The following SLC14A2 variants were observed in gnomAD, a reference collection of about 807,000 sequenced individuals.
SLC14A2 encodes urea transporter 2.
Under a neutral mutation model 104.6 loss-of-function variants are expected in SLC14A2, and 91 were observed. The ratio of observed to expected loss-of-function variants is 0.87; its 90% CI spans 0.73 to 1.04. The LOEUF (loss-of-function observed/expected upper bound fraction) is 1.04, where lower values mean the gene tolerates loss of function less well. SLC14A2 is among the 50% of genes least tolerant of loss of function. The pLI is 0.00. For synonymous variants in SLC14A2, 476 were observed against 466.4 expected, an observed-to-expected ratio of 1.02 and a Z score of -0.27; for missense variants, 1,189 against 1,156.0, an observed-to-expected ratio of 1.03 and a Z score of -0.41.
At chr18:45,506,882 G>A (rs1467134646) in intron 2 of SLC14A2, among the ~76,000 whole-genome samples, 3 of 152,212 alleles carry the variant, frequency 2.0e-5, no homozygotes, top group African/African-American at 7.2e-5. Flanking sequence ...AGGGGAACTG[G>A]AATCTGCCCA....
chr18:45,342,097 G>A (rs1447874168), intron 1 of SLC14A2, among the ~76,000 whole-genome samples: 2 of 152,154 alleles, frequency 1.3e-5, no homozygotes, highest in African/African-American at 2.4e-5. Context: ...AAAATACTGT[G>A]ACCAGAGGCT....
intron 1 of SLC14A2, among the ~76,000 whole-genome samples, chr18:45,243,308 C>T (rs978278701): frequency 2.0e-5 from 3 of 152,134 alleles, no homozygotes; most frequent in Non-Finnish European, 2.9e-5. Flanking sequence ...CAAAAGTTAC[C>T]ATAATTAATC....
chr18:45,512,421 A>G (rs994502954), intron 2 of SLC14A2, among the ~76,000 whole-genome samples: 2 of 152,214 alleles, frequency 1.3e-5, no homozygotes, highest in Non-Finnish European at 2.9e-5. Context: ...TGCCTGATGC[A>G]TACTGAAGAG....
rs556950544 is a variant in SLC14A2 at position 45,597,089 on chromosome 18, G to A, written c.-34-27542G>A. 4.6e-4 allele frequency among the ~76,000 whole-genome samples: 70 copies of A among 152,298 alleles called. 1 individual carries two copies. Among genetic ancestry groups the A allele is most frequent in the African/African-American group, 1.6e-3 (65 of 41,558 alleles). On this transcript the variant is annotated intron_variant, in intron 2 of 20. Transcript: ENST00000586448. ...TGCCAGCACGTTGGGAGGCCGAGGC[G>A]GGTGGATTACTTGAGGTCAGGAGTT...
At chr18:45,626,134 G>A (rs531515375) in intron 3 of SLC14A2, among the ~76,000 whole-genome samples, 23 of 152,216 alleles carry the variant, frequency 1.5e-4, no homozygotes, top group African/African-American at 4.3e-4. Context: ...CAAATTGCTC[G>A]TTCCTATGTG....
intron 1 of SLC14A2, among the ~76,000 whole-genome samples, chr18:45,365,772 C>T (rs959709478): frequency 5.9e-5 from 9 of 152,164 alleles, no homozygotes; most frequent in Non-Finnish European, 1.2e-4. Context: ...AATCACAGTG[C>T]TACCACCTGG....
intron 1 of SLC14A2, among the ~76,000 whole-genome samples, chr18:45,361,081 T>G (rs1301021251): frequency 6.6e-6 from 1 of 152,200 alleles, no homozygotes; most frequent in Non-Finnish European, 1.5e-5. Context: ...TAGCACATCT[T>G]GTCGTTCCTG....
At chr18:45,225,261 T>C (rs1166127950) in intron 1 of SLC14A2, among the ~76,000 whole-genome samples, 1 of 152,194 alleles carries the variant, frequency 6.6e-6, no homozygotes, top group Non-Finnish European at 1.5e-5. Flanking sequence ...CCTTTCCCCA[T>C]TTCTTGTTTT....
chr18:45,509,850 TCACGGACTGGA>T (rs1406896539), intron 2 of SLC14A2, among the ~76,000 whole-genome samples: 1 of 152,146 alleles, frequency 6.6e-6, no homozygotes, highest in African/African-American at 2.4e-5. Context: ...GTTCTGTAGG[TCACGGACTGGA>T]CCTCTGCTGC....
intron 1 of SLC14A2, among the ~76,000 whole-genome samples, chr18:45,295,632 G>A (rs1490811895): frequency 6.6e-6 from 1 of 152,064 alleles, no homozygotes; most frequent in African/African-American, 2.4e-5. Flanking sequence ...CTTTCCATCA[G>A]TCCTCCCAGC....
intron 1 of SLC14A2, among the ~76,000 whole-genome samples, chr18:45,319,295 G>C (rs191690194): frequency 2.0e-5 from 3 of 152,250 alleles, no homozygotes; most frequent in Non-Finnish European, 4.4e-5. Context: ...ATACATATCT[G>C]CCTTTCCCTC....
At chr18:45,180,361 C>G in the SLC14A2 span, among the ~76,000 whole-genome samples, 2 of 151,990 alleles carry the variant, frequency 1.3e-5, no homozygotes, top group Non-Finnish European at 2.9e-5. Flanking sequence ...TTCTAATGTA[C>G]TTAAAATTCT....
chr18:45,333,510 C>T (rs2085309522), intron 1 of SLC14A2, among the ~76,000 whole-genome samples: 1 of 152,044 alleles, frequency 6.6e-6, no homozygotes, highest in South Asian at 2.1e-4. Flanking sequence ...CTACAATATG[C>T]CTAGAAAATA....
chr18:45,668,405 T>C lies in SLC14A2; in HGVS notation c.1964T>C (p.Met655Thr), dbSNP rs909795506. Residue 655 changes from methionine (M) to threonine (T), a missense_variant, in exon 15 of 20, where the codon ATG (methionine) becomes ACG (threonine). Transcript: ENST00000255226. ...AATGGGGTGCTGGTGGGGCTGCTGA[T>C]GGCCGTGTTCTCAGACAAAGGTGAC... is the stretch of plus-strand genomic sequence containing the variant. ...GYNGVLVGLLMAVFSDKGDYY... is the reference protein window; with the variant it reads ...GYNGVLVGLLTAVFSDKGDYY... The C allele has an allele frequency of 1.9e-6, 3 of 1,614,064 alleles. No individual in the cohort carries two copies. Among genetic ancestry groups the C allele is most frequent in the African/African-American group, 1.3e-5 (1 of 74,928 alleles).
intron 2 of SLC14A2, among the ~76,000 whole-genome samples, chr18:45,510,613 C>T (rs1446888630): frequency 6.6e-6 from 1 of 152,216 alleles, no homozygotes; most frequent in African/African-American, 2.4e-5. Flanking sequence ...GCCAATGCCC[C>T]ACCCAGAGGC....
Position 45,673,726 on chromosome 18 carries a change from G to C in SLC14A2, c.2421G>C (p.Leu807=), listed in dbSNP as rs201677835. The stretch of plus-strand genomic sequence containing the variant: ...CCTTTGACTCCATCTACTTCGGCCT[G>C]TGTGGCTTCAACAGCACCCTCGCAT... ...ATPFDSIYFG[L]CGFNSTLACI... Residue 807 remains leucine (L), a synonymous_variant, in exon 18 of 20, where the codon CTG becomes CTC. Transcript: ENST00000255226. The C allele has an allele frequency of 4.0e-5, 64 of 1,614,024 alleles. No individual in the cohort carries two copies. The highest frequency in any genetic ancestry group is 5.3e-5 in the Non-Finnish European group (63 of 1,180,012).
chr18:45,493,615 G>A lies in SLC14A2; in HGVS notation c.-35+10293G>A, dbSNP rs1379214347. On this transcript the variant is annotated intron_variant, in intron 2 of 20. Transcript: ENST00000586448. ...GGATTTGAACGAGGCACTCTGACTC[G>A]AGAGACTGTGCCAGAAATCACTATT... Among the ~76,000 whole-genome samples the A allele has an allele frequency of 3.3e-5, 5 of 152,322 alleles. No individual in the cohort carries two copies. In the South Asian group the frequency reaches 8.3e-4, roughly 25 times the overall value.
the SLC14A2 span, among the ~76,000 whole-genome samples, chr18:45,176,845 T>C: frequency 4.6e-5 from 7 of 152,196 alleles, no homozygotes; most frequent in African/African-American, 7.2e-5. Flanking sequence ...ATCTCAAAGA[T>C]GTCCAGAGCA....
chr18:45,388,249 A>G (rs549652225), intron 1 of SLC14A2, among the ~76,000 whole-genome samples: 1 of 151,744 alleles, frequency 6.6e-6, no homozygotes, highest in African/African-American at 2.4e-5. Flanking sequence ...TTTTTAGTAG[A>G]GATGGGGTCT....
Sources: allele counts gnomAD v4.1 joint callset (sites outside exome capture counted in the v4.1 genomes callset), GRCh38; gene constraint gnomAD v4.1.1; transcripts MANE v1.5; gene names NCBI Gene and HGNC (gene_info 2026-07-23, HGNC 2026-07-21).